Variants in CNTN3 observed in about 807,000 individuals in gnomAD.
The protein encoded by CNTN3 is contactin 3.
Under a neutral mutation model 119.1 loss-of-function variants are expected in CNTN3, and 60 were observed. The observed-to-expected ratio is 0.50, with a 90% CI of 0.41 to 0.62. The LOEUF is 0.62. Ranked by LOEUF, CNTN3 falls within the 20% of genes least tolerant of loss-of-function variation. CNTN3 has a pLI of 0.00. For missense variants in CNTN3, 1,101 were observed against 1,242.4 expected, an observed-to-expected ratio of 0.89 and a Z score of 1.71; for synonymous variants, 450 against 438.7, an observed-to-expected ratio of 1.03 and a Z score of -0.32.
At chr3:74,597,540 T>G (rs1044656732) in intron 1 of CNTN3, among the ~76,000 whole-genome samples, 1 of 152,060 alleles carries the variant, frequency 6.6e-6, no homozygotes, top group African/African-American at 2.4e-5. Context: ...ACATTTATTT[T>G]TAAAAACAAA....
At position 74,415,840 on chromosome 3, in the gene CNTN3, T is replaced by C. The variant is rs1701511002; in HGVS notation, c.454+9005A>G. On this transcript the variant is annotated intron_variant, in intron 5 of 22. Coordinates refer to ENST00000263665, the MANE Select transcript of CNTN3 (RefSeq NM_020872.3). ...TGCCTAATCTACATGATAGAAAGGC[T>C]CTGTTCCAAACTCTCAAATTCAGAC... 2.0e-5 allele frequency among the ~76,000 whole-genome samples: 3 copies of C among 152,282 alleles called. No homozygotes were observed. The South Asian group carries it at 6.2e-4, about 32-fold the overall frequency.
intron 13 of CNTN3, among the ~76,000 whole-genome samples, chr3:74,334,235 T>G (rs929135233): frequency 6.6e-6 from 1 of 152,238 alleles, no homozygotes; most frequent in African/African-American, 2.4e-5. Flanking sequence ...TCTGGGCAAG[T>G]TGATAGACTT....
intron 1 of CNTN3, among the ~76,000 whole-genome samples, chr3:74,532,727 A>AT (rs1447450535): frequency 6.6e-6 from 1 of 151,974 alleles, no homozygotes; most frequent in Non-Finnish European, 1.5e-5. Flanking sequence ...AAACTTATGA[A>AT]TTGTTCATTT....
intron 5 of CNTN3, among the ~76,000 whole-genome samples, chr3:74,382,902 T>A (rs988108582): frequency 4.6e-5 from 7 of 152,228 alleles, no homozygotes; most frequent in Non-Finnish European, 7.3e-5. Context: ...CGTTGACCAA[T>A]TGGCCTTTTT....
At chr3:74,295,461 T>C (rs1022759000) in intron 18 of CNTN3, among the ~76,000 whole-genome samples, 4 of 152,212 alleles carry the variant, frequency 2.6e-5, no homozygotes, top group African/African-American at 9.6e-5. Flanking sequence ...TGGCAACCTA[T>C]ACTTTCCTCC....
chr3:74,485,626 G>T (rs905378714), intron 4 of CNTN3, among the ~76,000 whole-genome samples: 4 of 151,836 alleles, frequency 2.6e-5, no homozygotes, highest in Non-Finnish European at 4.4e-5. Flanking sequence ...CACATGCATT[G>T]CAATTTCAGA....
chr3:74,597,727 T>G (rs1704836526), intron 1 of CNTN3, among the ~76,000 whole-genome samples: 1 of 152,066 alleles, frequency 6.6e-6, no homozygotes, highest in South Asian at 2.1e-4. Flanking sequence ...TCTTTGCAGG[T>G]GATACTTCTA....
At position 74,267,301 on chromosome 3, in the gene CNTN3, C is replaced by T; in HGVS notation, c.2782G>A (p.Ala928Thr). ...GTTACTTCTGACTCATTCTCCATGG[C>T]TTTAACTTGCTCCCAATTAAGTAAC... is the stretch of plus-strand genomic sequence containing the variant. ...KVLLNWEQVK[A>T]MENESEVTGY... The change falls in exon 21 of 23, where the codon GCC becomes ACC. Residue 928 changes from alanine (A) to threonine (T), a missense_variant. Transcript: ENST00000263665. 6.2e-7 allele frequency: 1 copy of T among 1,613,188 alleles called. No homozygotes were observed. Among genetic ancestry groups the T allele is most frequent in the Non-Finnish European group, 8.5e-7 (1 of 1,179,286 alleles).
At chr3:74,269,942 G>A (rs1273730699) in intron 20 of CNTN3, among the ~76,000 whole-genome samples, 1 of 152,128 alleles carries the variant, frequency 6.6e-6, no homozygotes, top group Non-Finnish European at 1.5e-5. Context: ...CTATTGCACA[G>A]AAATGTAAAA....
intron 13 of CNTN3, among the ~76,000 whole-genome samples, chr3:74,326,799 T>C (rs1278359341): frequency 1.3e-5 from 2 of 152,168 alleles, no homozygotes; most frequent in African/African-American, 4.8e-5. Flanking sequence ...TCACCTTTTA[T>C]TTGTTTCATA....
intron 11 of CNTN3, among the ~76,000 whole-genome samples, chr3:74,344,229 G>C (rs1703620153): frequency 6.6e-6 from 1 of 152,002 alleles, no homozygotes. Context: ...TCTATGTAGA[G>C]AGGACAAGGT....
intron 4 of CNTN3, among the ~76,000 whole-genome samples, chr3:74,437,933 T>A (rs1456138374): frequency 6.6e-6 from 1 of 152,126 alleles, no homozygotes; most frequent in South Asian, 2.1e-4. Context: ...CATTATCAAA[T>A]AAAGAAAGCT....
At chr3:74,563,066 C>A (rs749888825) in intron 1 of CNTN3, among the ~76,000 whole-genome samples, 8 of 152,236 alleles carry the variant, frequency 5.3e-5, no homozygotes, top group Non-Finnish European at 1.0e-4. Context: ...AATAACAGAT[C>A]GTCCCACTGT....
At chr3:74,336,457 A>G in intron 12 of CNTN3, 74 bp downstream of exon 12, 1 of 1,492,994 alleles carries the variant, frequency 6.7e-7, no homozygotes, top group Non-Finnish European at 9.3e-7. Context: ...TGTGAAACAC[A>G]TAGTTACTTT....
chr3:74,582,786 TGTGTG>T (rs1704535217), intron 1 of CNTN3, among the ~76,000 whole-genome samples: 1 of 77,092 alleles, frequency 1.3e-5, no homozygotes, highest in African/African-American at 3.3e-5. Context: ...TATGCATTTG[TGTGTG>T]TGTGTGTGTG....
intron 1 of CNTN3, among the ~76,000 whole-genome samples, chr3:74,591,638 G>A (rs1208287756): frequency 6.6e-6 from 1 of 151,886 alleles, no homozygotes; most frequent in Non-Finnish European, 1.5e-5. Context: ...AGACTCCATC[G>A]AGATAAGTGA....
At chr3:74,571,785 G>A (rs1257623240) in intron 1 of CNTN3, among the ~76,000 whole-genome samples, 1 of 151,988 alleles carries the variant, frequency 6.6e-6, no homozygotes, top group African/African-American at 2.4e-5. Context: ...ATAGAACTTG[G>A]GATCGCTCAC....
chr3:74,507,147 G>T (rs1045109376), intron 2 of CNTN3, among the ~76,000 whole-genome samples: 2 of 152,184 alleles, frequency 1.3e-5, no homozygotes, highest in African/African-American at 4.8e-5. Flanking sequence ...GGCCTGGTGT[G>T]CTGGCTCACA....
chr3:74,500,508 C>CAAA (rs57458348), intron 2 of CNTN3, among the ~76,000 whole-genome samples: 4 of 140,898 alleles, frequency 2.8e-5, no homozygotes, highest in African/African-American at 5.2e-5. Flanking sequence ...CAAATTCGCC[C>CAAA]AAAAAAAAAA....
Sources: gnomAD v4.1 joint callset for allele counts (sites outside exome capture counted in the v4.1 genomes callset) on GRCh38, gnomAD v4.1.1 for gene constraint, MANE v1.5 for transcripts, NCBI Gene and HGNC (gene_info 2026-07-23, HGNC 2026-07-21) for gene names.